The following CHID1 variants were observed in gnomAD, a reference collection of about 807,000 sequenced individuals.
CHID1 encodes chitinase domain-containing protein 1.
Under a neutral mutation model 55.4 loss-of-function variants are expected in CHID1, and 44 were observed. That is an observed-to-expected ratio of 0.79 (90% confidence interval 0.62 to 1.02). The LOEUF (loss-of-function observed/expected upper bound fraction) is 1.02. CHID1 is among the 50% of genes least tolerant of loss of function. The pLI is 0.00. For missense variants in CHID1, 491 were observed against 515.3 expected, an observed-to-expected ratio of 0.95 and a Z score of 0.46; for synonymous variants, 216 against 212.9, an observed-to-expected ratio of 1.01 and a Z score of -0.13.
At chr11:906,441 G>A (rs1406824177) in intron 1 of CHID1, among the ~76,000 whole-genome samples, 3 of 151,986 alleles carry the variant, frequency 2.0e-5, no homozygotes, top group Admixed American at 6.6e-5. Flanking sequence ...GTTTCGCCAC[G>A]TTGGCCAGGT....
chr11:889,878 C>T (rs565273930), intron 8 of CHID1, among the ~76,000 whole-genome samples: 21 of 152,374 alleles, frequency 1.4e-4, no homozygotes, highest in Non-Finnish European at 2.4e-4. Flanking sequence ...GTTCCTCCAC[C>T]CACAGCTCCC....
At chr11:905,435 T>G (rs1852138661) in intron 1 of CHID1, among the ~76,000 whole-genome samples, 1 of 152,178 alleles carries the variant, frequency 6.6e-6, no homozygotes, top group Admixed American at 6.5e-5. Flanking sequence ...AATGGGAGGC[T>G]GAGGCGGGCG....
intron 8 of CHID1, among the ~76,000 whole-genome samples, chr11:890,220 A>G (rs931135278): frequency 4.6e-4 from 70 of 152,298 alleles, no homozygotes; most frequent in Middle Eastern, 3.4e-3. Flanking sequence ...CGGGGTGCCT[A>G]CGGTCCCCCA....
Position 893,452 on chromosome 11 carries a change from C to G in CHID1, c.676G>C (p.Val226Leu), listed in dbSNP as rs1850998030. The G allele has an allele frequency of 6.4e-7, 1 of 1,551,270 alleles. No homozygotes were observed. The change falls in exon 8 of 13, where the codon GTC (valine) becomes CTC (leucine). Residue 226 changes from valine (V) to leucine (L), a missense_variant. By Grantham distance (32) the Val-to-Leu change is conservative. Coordinates refer to ENST00000323578, the MANE Select transcript of CHID1 (RefSeq NM_023947.4). Reference protein sequence around the residue: ...LHQARLLALLVIPPAITPGTD... With the variant: ...LHQARLLALLLIPPAITPGTD... ...CCGGGGGTGATGGCAGGCGGGATGACCAGGAGGGCCAGCAGCCGGGCCTGG... is the reference window on the plus strand; with the variant it reads ...CCGGGGGTGATGGCAGGCGGGATGAGCAGGAGGGCCAGCAGCCGGGCCTGG...
At chr11:877,471 C>T (rs1849592561) in intron 10 of CHID1, among the ~76,000 whole-genome samples, 1 of 152,170 alleles carries the variant, frequency 6.6e-6, no homozygotes, top group Non-Finnish European at 1.5e-5. Flanking sequence ...ATCTCGAACC[C>T]CTGGGCTCAA....
chr11:892,486 G>A (rs928603886), intron 8 of CHID1, among the ~76,000 whole-genome samples: 1 of 152,238 alleles, frequency 6.6e-6, no homozygotes, highest in African/African-American at 2.4e-5. Flanking sequence ...CCAGGGCTCA[G>A]CTCTCAGCAC....
At chr11:910,670 C>A in intron 1 of CHID1, 105 bp downstream of exon 1, 1 of 1,269,010 alleles carries the variant, frequency 7.9e-7, no homozygotes, top group Non-Finnish European at 1.0e-6. Context: ...ACCCCACGCC[C>A]GTCCTCCCGG....
rs149001064 is a variant in CHID1, at chr11:884,151, C to A, written c.720G>T (p.Met240Ile). The A allele has an allele frequency of 4.3e-6, 7 of 1,614,134 alleles. No homozygotes were observed. In the East Asian group the frequency reaches 1.6e-4, roughly 36 times the overall value. ...GCTGCTCAAACTCCTTGTGCGTGAACATGCCCAGCTGGTCGGTCCTGTAAC... is the reference window on the plus strand; with the variant it reads ...GCTGCTCAAACTCCTTGTGCGTGAAAATGCCCAGCTGGTCGGTCCTGTAAC... ...AITPGTDQLGMFTHKEFEQLA... is the reference protein window; with the variant it reads ...AITPGTDQLGIFTHKEFEQLA... Residue 240 changes from methionine (M) to isoleucine (I), a missense_variant, in exon 9 of 13, where the codon ATG becomes ATT. By Grantham distance (10) the Met-to-Ile change is conservative. Transcript: ENST00000323578.
At chr11:882,381 C>T (rs950524145) in intron 10 of CHID1, 2 of 152,194 alleles carry the variant, frequency 1.3e-5, no homozygotes, top group Non-Finnish European at 2.9e-5. Context: ...GGGACAAATT[C>T]AATGGATCTA....
In CHID1 at chr11:870,337, C is replaced by A. The variant is rs562777391; in HGVS notation, c.1040+82G>T. 1.3e-4 allele frequency: 170 copies of A among 1,355,514 alleles called. 4 individuals carry two copies. In the South Asian group the frequency reaches 1.6e-3, roughly 13 times the overall value. The allele number at this position is 1,355,514 out of a possible 1,614,324, so 84.0% of individuals were successfully genotyped here. A position where few individuals can be genotyped will look rare whatever the true frequency, so the allele number is the denominator to read the frequency against. On this transcript the variant is annotated intron_variant, in intron 11 of 12. Coordinates refer to ENST00000323578, the MANE Select transcript of CHID1 (RefSeq NM_023947.4). ...GCTCGTGACCCTGAGACCCCCTGGG[C>A]CCTGCTGCTCCCTCATCTCCACCCC...
chr11:880,552 C>G (rs1020106542), intron 10 of CHID1, among the ~76,000 whole-genome samples: 2 of 152,204 alleles, frequency 1.3e-5, no homozygotes, highest in African/African-American at 4.8e-5. Flanking sequence ...GAGGGGCTCA[C>G]GGAGGGCACC....
chr11:886,022 G>A (rs1471802256), intron 8 of CHID1, among the ~76,000 whole-genome samples: 2 of 151,970 alleles, frequency 1.3e-5, no homozygotes, highest in Admixed American at 6.6e-5. Context: ...GGTGGTGGGC[G>A]CCTGTAGTCC....
chr11:910,105 A>G (rs1317904474), intron 1 of CHID1, among the ~76,000 whole-genome samples: 1 of 151,928 alleles, frequency 6.6e-6, no homozygotes, highest in Admixed American at 6.6e-5. Context: ...GCACACCTGT[A>G]GTCCCAAGTA....
At chr11:897,430 C>T (rs1851447776) in intron 7 of CHID1, among the ~76,000 whole-genome samples, 1 of 152,240 alleles carries the variant, frequency 6.6e-6, no homozygotes, top group African/African-American at 2.4e-5. Flanking sequence ...AGGCTGGAAG[C>T]AGGCGGGCTC....
chr11:904,192 C>G (rs757231927), intron 2 of CHID1, among the ~76,000 whole-genome samples: 1 of 152,242 alleles, frequency 6.6e-6, no homozygotes, highest in Non-Finnish European at 1.5e-5. Context: ...GAGAAAGCAT[C>G]TGCCAGTCCA....
rs1157404760 is a variant in CHID1 at position 904,768 on chromosome 11, C to T, written c.49G>A (p.Val17Ile). 4 of 1,614,092 alleles carry T rather than the reference C, an allele frequency of 2.5e-6. No homozygotes were observed. Among genetic ancestry groups the T allele is most frequent in the Non-Finnish European group, 3.4e-6 (4 of 1,180,024 alleles). Residue 17 changes from valine (V) to isoleucine (I), a missense_variant, in exon 2 of 13, where the codon GTT (valine) becomes ATT (isoleucine). By Grantham distance (29) the Val-to-Ile change is conservative. Transcript: ENST00000323578. Reference protein sequence around the residue: ...LLWLALACSPVHTTLSKSDAK... With the variant: ...LLWLALACSPIHTTLSKSDAK... ...TCTGACTTTGACAGGGTAGTGTGAA[C>T]AGGGCTGCAGGCCAGGGCAAGCCAG...
chr11:898,290 G>A (rs754170845), intron 7 of CHID1, among the ~76,000 whole-genome samples: 1 of 152,210 alleles, frequency 6.6e-6, no homozygotes, highest in South Asian at 2.1e-4. Flanking sequence ...TGCTGCAGGG[G>A]ACACCATGCA....
intron 7 of CHID1, among the ~76,000 whole-genome samples, chr11:894,324 G>A (rs943961228): frequency 5.3e-5 from 8 of 152,088 alleles, no homozygotes; most frequent in Non-Finnish European, 1.0e-4. Context: ...GCCCCTGGAG[G>A]TGGAGGGGGC....
chr11:884,180 C>T lies in CHID1; in HGVS notation c.702-11G>A, dbSNP rs373822870. On this transcript the variant is annotated splice_polypyrimidine_tract_variant and intron_variant, in intron 8 of 12. Transcript: ENST00000323578. The stretch of plus-strand genomic sequence containing the variant: ...CCCAGCTGGTCGGTCCTGTAACAGA[C>T]AGGTGCAGCCACCTCAGGCTGCTAT... The T allele has an allele frequency of 6.2e-7, 1 of 1,610,852 alleles. No individual in the cohort carries two copies. The highest frequency in any genetic ancestry group is 8.5e-7 in the Non-Finnish European group (1 of 1,177,642).
Sources: gnomAD v4.1 joint callset for allele counts (sites outside exome capture counted in the v4.1 genomes callset) on GRCh38, gnomAD v4.1.1 for gene constraint, MANE v1.5 for transcripts, NCBI Gene and HGNC (gene_info 2026-07-23, HGNC 2026-07-21) for gene names.